ABLIM2: variants seen among roughly 807,000 people sequenced by gnomAD.
The protein encoded by ABLIM2 is actin-binding LIM protein 2.
A neutral mutation model predicts 97.7 loss-of-function variants in ABLIM2; 53 were observed. That is an observed-to-expected ratio of 0.54 (90% CI 0.44 to 0.68). ABLIM2 has a LOEUF of 0.68. ABLIM2 is among the 30% of genes least tolerant of loss of function. ABLIM2 has a pLI of 0.00. For synonymous variants in ABLIM2, 361 were observed against 345.8 expected (o/e 1.04, Z -0.49); for missense variants, 835 against 867.2 (o/e 0.96, Z 0.47).
intron 4 of ABLIM2, among the ~76,000 whole-genome samples, chr4:8,084,542 G>C (rs1207741000): frequency 6.6e-6 from 1 of 152,204 alleles, no homozygotes; most frequent in Non-Finnish European, 1.5e-5. Flanking sequence ...TGCTGGAAGA[G>C]TGGAGGACCC....
chr4:8,100,572 C>G (rs529653883), intron 2 of ABLIM2, among the ~76,000 whole-genome samples: 1 of 152,042 alleles, frequency 6.6e-6, no homozygotes, highest in South Asian at 2.1e-4. Flanking sequence ...CATGGAGGAA[C>G]CTCGACTCCA....
Position 8,005,177 on chromosome 4 carries a change from C to T in ABLIM2, c.1618+2882G>A, listed in dbSNP as rs981737087. 26 of 381,476 alleles carry T rather than the reference C, an allele frequency of 6.8e-5. No individual in the cohort carries two copies. The highest frequency in any genetic ancestry group is 3.3e-4 in the African/African-American group (16 of 48,182). The allele number at this position is 381,476 out of a possible 1,614,324, so 23.6% of individuals were successfully genotyped here. On this transcript the variant is annotated intron_variant, in intron 16 of 20. Transcript: ENST00000447017. This position sits in a 1 kb window ranked among gnomAD's most constrained non-coding sequence, Gnocchi z 4.9. ...AAAGAGGTGCCCGGCGGGCAGGCGG[C>T]GGCGGGATGCGTGTGCGCTCGCTCT...
At position 8,127,099 on chromosome 4, in the gene ABLIM2, G is replaced by A. The variant is rs565008779; in HGVS notation, c.11-20462C>T. 2.5e-3 allele frequency among the ~76,000 whole-genome samples: 379 copies of A among 150,948 alleles called. 1 individual carries two copies. The highest frequency in any genetic ancestry group is 3.9e-3 in the Non-Finnish European group (262 of 67,820). ...AAAAAAAAAAATGCCTGCAGACATT[G>A]CCACATGTCCCCCTGGGAGCACAGG... On this transcript the variant is annotated intron_variant, in intron 1 of 20. Transcript: ENST00000447017. This position sits in a 1 kb window ranked among gnomAD's most constrained non-coding sequence, Gnocchi z 7.3.
rs188799005 is a variant in ABLIM2 at position 8,021,593 on chromosome 4, G to T, written c.1268-1290C>A. On this transcript the variant is annotated intron_variant, in intron 12 of 20. Coordinates refer to ENST00000447017, the MANE Select transcript of ABLIM2 (RefSeq NM_001130083.2). The surrounding 1 kb of genome is among the most constrained non-coding windows in gnomAD (Gnocchi z 5.5). ...AACAGAAATAGAACTTCTGCGGTGG[G>T]TGAGTGATGTGCTGGGCCTGAAGGT... Among the ~76,000 whole-genome samples, 5 of 152,326 alleles carry T rather than the reference G, an allele frequency of 3.3e-5. No individual in the cohort carries two copies. In the East Asian group the frequency reaches 5.8e-4, roughly 18 times the overall value.
In ABLIM2 at chr4:8,149,979, C is replaced by T. The variant is rs771703062; in HGVS notation, c.10+8701G>A. Among the ~76,000 whole-genome samples, 4 of 152,030 alleles carry T rather than the reference C, an allele frequency of 2.6e-5. No individual in the cohort carries two copies. Among genetic ancestry groups the T allele is most frequent in the Non-Finnish European group, 4.4e-5 (3 of 67,998 alleles). On this transcript the variant is annotated intron_variant, in intron 1 of 20. Transcript: ENST00000447017. The surrounding 1 kb of genome is among the most constrained non-coding windows in gnomAD (Gnocchi z 6.4). ...TGGCTTCCCCTCCCTTCCCCCCTTA[C>T]CCTCCTCACACCTCCCTCGTGCTTC...
rs536652434 is a variant in ABLIM2, at chr4:7,967,489, C to T, written c.1825-386G>A. ...CATATTTGTTACTTCAGTGAGTGGT[C>T]ACAGCTGCCATCCGAGAGCAGGAGG... On this transcript the variant is annotated intron_variant, in intron 20 of 20. Coordinates refer to ENST00000447017, the MANE Select transcript of ABLIM2 (RefSeq NM_001130083.2). 1.4e-4 allele frequency among the ~76,000 whole-genome samples: 21 copies of T among 152,348 alleles called. No homozygotes were observed. The East Asian group carries it at 3.9e-3, about 28-fold the overall frequency.
intron 1 of ABLIM2, among the ~76,000 whole-genome samples, chr4:8,141,714 G>A (rs1470593938): frequency 6.6e-6 from 1 of 152,196 alleles, no homozygotes; most frequent in East Asian, 1.9e-4. Flanking sequence ...GATATTAGGA[G>A]CAGGTTCACG....
chr4:8,151,564 A>G (rs1442461315), intron 1 of ABLIM2, among the ~76,000 whole-genome samples: 1 of 152,152 alleles, frequency 6.6e-6, no homozygotes, highest in East Asian at 1.9e-4. Flanking sequence ...CGAGAGCCAG[A>G]TGAGAAAGGT....
Position 8,147,952 on chromosome 4 carries a change from G to A in ABLIM2, c.10+10728C>T, listed in dbSNP as rs552378192. 1.3e-5 allele frequency among the ~76,000 whole-genome samples: 2 copies of A among 152,176 alleles called. No individual in the cohort carries two copies. Among genetic ancestry groups the A allele is most frequent in the South Asian group, 2.1e-4 (1 of 4,826 alleles). On this transcript the variant is annotated intron_variant, in intron 1 of 20. Transcript: ENST00000447017. The surrounding 1 kb of genome is among the most constrained non-coding windows in gnomAD (Gnocchi z 5.3). ...AATGGGTGAATCGCCCTTTAATCACGAAGTCAGCCCTAGGCCCAATATCCC... is the reference window on the plus strand; with the variant it reads ...AATGGGTGAATCGCCCTTTAATCACAAAGTCAGCCCTAGGCCCAATATCCC...
Position 8,021,541 on chromosome 4 carries a change from C to T in ABLIM2, c.1268-1238G>A, listed in dbSNP as rs892904361. Among the ~76,000 whole-genome samples the T allele has an allele frequency of 6.6e-6, 1 of 152,334 alleles. No individual in the cohort carries two copies. Among genetic ancestry groups the T allele is most frequent in the Non-Finnish European group, 1.5e-5 (1 of 68,030 alleles). ...CAAGCTGCACAGCCTTTCAGAGCAG[C>T]AGGACCCTGCGGTGACATCGAAATG... On this transcript the variant is annotated intron_variant, in intron 12 of 20. Transcript: ENST00000447017. The surrounding 1 kb of genome is among the most constrained non-coding windows in gnomAD (Gnocchi z 5.5).
At chr4:8,025,353 T>C (rs1442077057) in intron 12 of ABLIM2, among the ~76,000 whole-genome samples, 1 of 152,178 alleles carries the variant, frequency 6.6e-6, no homozygotes, top group Non-Finnish European at 1.5e-5. Flanking sequence ...AGGTGCCTCC[T>C]GGCCCCGGGA....
At chr4:8,077,791 CCAA>C in intron 5 of ABLIM2, 70 bp from the exon 6 acceptor site, 1 of 1,347,150 alleles carries the variant, frequency 7.4e-7, no homozygotes, top group Non-Finnish European at 1.0e-6. Flanking sequence ...ACAACCCTCA[CCAA>C]CAAGAGAGTC....
intron 9 of ABLIM2, 65 bp from the exon 10 acceptor site, chr4:8,036,360 C>CA (rs1356187433): frequency 1.3e-6 from 2 of 1,571,418 alleles, no homozygotes; most frequent in African/African-American, 2.7e-5. Flanking sequence ...GCAGCACCCC[C>CA]AAAGCCGGAT....
Position 8,103,624 on chromosome 4 carries a change from G to C in ABLIM2, c.154+2870C>G, listed in dbSNP as rs141803282. Among the ~76,000 whole-genome samples the C allele has an allele frequency of 5.2e-3, 791 of 152,300 alleles. 5 individuals are homozygous for C. The highest frequency in any genetic ancestry group is 0.027 in the Middle Eastern group (8 of 294). On this transcript the variant is annotated intron_variant, in intron 2 of 20. Coordinates refer to ENST00000447017, the MANE Select transcript of ABLIM2 (RefSeq NM_001130083.2). ...CTAATCATCTTGGGTGATGGAGTGTGAGTCCCCAGCCCTGGGTCAGCCTGC... is the reference window on the plus strand; with the variant it reads ...CTAATCATCTTGGGTGATGGAGTGTCAGTCCCCAGCCCTGGGTCAGCCTGC...
chr4:8,061,684 C>A lies in ABLIM2; in HGVS notation c.676-630G>T, dbSNP rs1803194515. On this transcript the variant is annotated intron_variant, in intron 6 of 20. Coordinates refer to ENST00000447017, the MANE Select transcript of ABLIM2 (RefSeq NM_001130083.2). This position sits in a 1 kb window ranked among gnomAD's most constrained non-coding sequence, Gnocchi z 4.5. ...AAAAAAAAATCACCCCGAAATGCTCCCTTTACCCCCACGTTCCAGCACACA... is the reference window on the plus strand; with the variant it reads ...AAAAAAAAATCACCCCGAAATGCTCACTTTACCCCCACGTTCCAGCACACA... 6.6e-6 allele frequency among the ~76,000 whole-genome samples: 1 copy of A among 151,930 alleles called. No homozygotes were observed. The highest frequency in any genetic ancestry group is 6.5e-5 in the Admixed American group (1 of 15,268).
At chr4:8,012,188 T>C (rs1351490735) in intron 14 of ABLIM2, among the ~76,000 whole-genome samples, 2 of 143,578 alleles carry the variant, frequency 1.4e-5, no homozygotes, top group Admixed American at 6.9e-5. Flanking sequence ...TACTCATCCA[T>C]CCATCTACCC....
rs1396220071 is a variant in ABLIM2 at position 8,083,924 on chromosome 4, G to C, written c.455-3122C>G. Among the ~76,000 whole-genome samples the C allele has an allele frequency of 1.3e-5, 2 of 152,100 alleles. No individual in the cohort carries two copies. The highest frequency in any genetic ancestry group is 2.4e-5 in the African/African-American group (1 of 41,406). On this transcript the variant is annotated intron_variant, in intron 4 of 20. Transcript: ENST00000447017. The surrounding 1 kb of genome is among the most constrained non-coding windows in gnomAD (Gnocchi z 4.6). ...GTGGTCATGGTGGGGGTGGTTGTTG[G>C]GGGGTGGCTAGGATGTGCCAGGCAG...
intron 14 of ABLIM2, 82 bp from the exon 15 acceptor site, chr4:8,009,184 T>C (rs1177933567): frequency 9.8e-6 from 15 of 1,536,984 alleles, no homozygotes; most frequent in Non-Finnish European, 1.4e-5. Context: ...GTTACAGTTA[T>C]GCTCAAAAAT....
rs536979345 is a variant in ABLIM2, at chr4:8,069,554, T to A, written c.675+8074A>T. Among the ~76,000 whole-genome samples, 10 of 152,116 alleles carry A rather than the reference T, an allele frequency of 6.6e-5. No homozygotes were observed. Among genetic ancestry groups the A allele is most frequent in the African/African-American group, 2.4e-4 (10 of 41,508 alleles). ...GAAGGCAGAGATGCGGCAAAGGGTG[T>A]GTGCGCATGTGCGTGTCTGTGTGTC... On this transcript the variant is annotated intron_variant, in intron 6 of 20. Coordinates refer to ENST00000447017, the MANE Select transcript of ABLIM2 (RefSeq NM_001130083.2). The surrounding 1 kb of genome is among the most constrained non-coding windows in gnomAD (Gnocchi z 4.2).
Sources: gnomAD v4.1 joint callset for allele counts (sites outside exome capture counted in the v4.1 genomes callset) on GRCh38, gnomAD v4.1.1 for gene constraint, Gnocchi (gnomAD v3.1) non-coding constraint, MANE v1.5 for transcripts, NCBI Gene and HGNC (gene_info 2026-07-23, HGNC 2026-07-21) for gene names.